DSCAM: variants seen among roughly 807,000 people sequenced by gnomAD.
DSCAM encodes DS cell adhesion molecule.
A neutral mutation model predicts 217.7 loss-of-function variants in DSCAM; 47 were observed. That is an observed-to-expected ratio of 0.22 (90% CI 0.17 to 0.28). The LOEUF (loss-of-function observed/expected upper bound fraction) is 0.28. Ranked by LOEUF, DSCAM falls within the 10% of genes least tolerant of loss-of-function variation. DSCAM has a pLI of 1.00. For missense variants in DSCAM, 2,080 were observed against 2,618.3 expected, an observed-to-expected ratio of 0.79 and a Z score of 4.49; for synonymous variants, 1,056 against 1,015.3, an observed-to-expected ratio of 1.04 and a Z score of -0.76.
intron 11 of DSCAM, among the ~76,000 whole-genome samples, chr21:40,269,192 C>G (rs571678040): frequency 6.6e-6 from 1 of 152,298 alleles, no homozygotes; most frequent in African/African-American, 2.4e-5. Flanking sequence ...ACAGCAAAGG[C>G]AATAAAGTCC....
chr21:40,600,780 C>T (rs1446410276), intron 3 of DSCAM, among the ~76,000 whole-genome samples: 1 of 152,098 alleles, frequency 6.6e-6, no homozygotes, highest in Non-Finnish European at 1.5e-5. Context: ...GGTGTTCCAG[C>T]ATTATTTGTT....
chr21:40,114,921 T>C (rs537092246), intron 20 of DSCAM, among the ~76,000 whole-genome samples: 154 of 152,044 alleles, frequency 1.0e-3, no homozygotes, highest in African/African-American at 2.9e-3. Context: ...ACAACAGGTG[T>C]TGGAGAGGAT....
In DSCAM at chr21:40,369,209, T is replaced by C. The variant is rs752344879; in HGVS notation, c.545A>G (p.Tyr182Cys). 20 of 1,611,502 alleles carry C rather than the reference T, an allele frequency of 1.2e-5. No homozygotes were observed. The highest frequency in any genetic ancestry group is 1.6e-5 in the Non-Finnish European group (19 of 1,178,974). ...RFLITSTGAL[Y>C]IKDVQNEDGL... ...ATCTTCATTCTGTACATCTTTAATATACAAGGCTCCCGTGGATGTGATGAG... is the reference window on the plus strand; with the variant it reads ...ATCTTCATTCTGTACATCTTTAATACACAAGGCTCCCGTGGATGTGATGAG... The change falls in exon 4 of 33, where the codon TAT becomes TGT. Residue 182 changes from tyrosine to cysteine, a missense_variant. Tyr to Cys is a radical substitution (Grantham distance 194). Coordinates refer to ENST00000400454, the MANE Select transcript of DSCAM (RefSeq NM_001389.5).
At chr21:40,570,957 G>C (rs1299241742) in intron 3 of DSCAM, among the ~76,000 whole-genome samples, 3 of 152,058 alleles carry the variant, frequency 2.0e-5, no homozygotes, top group Non-Finnish European at 4.4e-5. Flanking sequence ...TATTTTAAGA[G>C]ACAATAGCCA....
chr21:40,092,114 A>G (rs2089618432), intron 21 of DSCAM, among the ~76,000 whole-genome samples: 1 of 152,204 alleles, frequency 6.6e-6, no homozygotes, highest in African/African-American at 2.4e-5. Flanking sequence ...CCTTTATTCT[A>G]GACAATAGGA....
intron 3 of DSCAM, among the ~76,000 whole-genome samples, chr21:40,582,078 T>G (rs1487104468): frequency 6.6e-6 from 1 of 152,208 alleles, no homozygotes; most frequent in African/African-American, 2.4e-5. Context: ...TTTAGGATTA[T>G]GGTCCTAAAG....
At chr21:40,571,791 T>C (rs2076808709) in intron 3 of DSCAM, among the ~76,000 whole-genome samples, 1 of 152,192 alleles carries the variant, frequency 6.6e-6, no homozygotes, top group Admixed American at 6.5e-5. Context: ...GGTTTTGCCA[T>C]GTTGGCCAGG....
At chr21:40,175,028 T>C (rs2837480) in intron 15 of DSCAM, among the ~76,000 whole-genome samples, 49,937 of 152,104 alleles carry the variant, frequency 0.33, 8,303 homozygotes, top group Non-Finnish European at 0.34. Flanking sequence ...CTTTTCTGCA[T>C]GAAGTCCTTG....
At chr21:40,387,261 CAT>C (rs1416567781) in intron 3 of DSCAM, among the ~76,000 whole-genome samples, 1 of 151,740 alleles carries the variant, frequency 6.6e-6, no homozygotes, top group African/African-American at 2.4e-5. Flanking sequence ...GGGGAAAAAA[CAT>C]AGTTTTAACA....
At chr21:40,700,266 T>A (rs748117685) in intron 2 of DSCAM, among the ~76,000 whole-genome samples, 1 of 152,238 alleles carries the variant, frequency 6.6e-6, no homozygotes, top group Admixed American at 6.5e-5. Flanking sequence ...CACTTTGATA[T>A]TGTTCTTCAT....
intron 1 of DSCAM, among the ~76,000 whole-genome samples, chr21:40,835,511 C>T (rs904595025): frequency 1.3e-5 from 2 of 152,114 alleles, no homozygotes; most frequent in African/African-American, 4.8e-5. Flanking sequence ...AAGCAGAATT[C>T]ACATTTATTC....
intron 11 of DSCAM, among the ~76,000 whole-genome samples, chr21:40,221,164 T>A (rs1056981811): frequency 6.6e-6 from 1 of 151,688 alleles, no homozygotes; most frequent in Non-Finnish European, 1.5e-5. Flanking sequence ...TGAAAAAGAG[T>A]TGAGAGCCTC....
At chr21:40,827,653 G>C (rs1020220742) in intron 1 of DSCAM, among the ~76,000 whole-genome samples, 24 of 152,100 alleles carry the variant, frequency 1.6e-4, no homozygotes, top group Non-Finnish European at 2.9e-4. Context: ...AGCGCTAATC[G>C]AAGTGTGTAC....
chr21:40,382,989 C>G (rs1280757854), intron 3 of DSCAM: 1 of 152,194 alleles, frequency 6.6e-6, no homozygotes, highest in Non-Finnish European at 1.5e-5. Context: ...CAGAGGCAAA[C>G]AGTGTCAGTT....
intron 8 of DSCAM, among the ~76,000 whole-genome samples, chr21:40,315,908 AG>A (rs902146916): frequency 1.8e-4 from 28 of 152,142 alleles, no homozygotes; most frequent in African/African-American, 6.5e-4. Context: ...CAAAAGGAGG[AG>A]GGTGAGAAAC....
intron 3 of DSCAM, among the ~76,000 whole-genome samples, chr21:40,430,505 A>G (rs1388061873): frequency 6.6e-6 from 1 of 152,214 alleles, no homozygotes; most frequent in Non-Finnish European, 1.5e-5. Context: ...CTCGAACATT[A>G]GACTCCAAGC....
intron 4 of DSCAM, among the ~76,000 whole-genome samples, chr21:40,368,572 AAATTATT>A (rs2123696739): frequency 6.6e-6 from 1 of 152,358 alleles, no homozygotes; most frequent in African/African-American, 2.4e-5. Context: ...GTGATGTTTT[AAATTATT>A]CCAATGTTCA....
chr21:40,593,675 A>C (rs2077000368), intron 3 of DSCAM, among the ~76,000 whole-genome samples: 1 of 152,164 alleles, frequency 6.6e-6, no homozygotes, highest in African/African-American at 2.4e-5. Context: ...AAACTATTTA[A>C]AATTATCTGA....
chr21:40,112,070 T>G lies in DSCAM; in HGVS notation c.3696+12125A>C, dbSNP rs190266189. Among the ~76,000 whole-genome samples the G allele has an allele frequency of 1.3e-4, 20 of 150,934 alleles. 1 individual carries two copies. In the East Asian group the frequency reaches 3.9e-3, roughly 29 times the overall value. ...TCAGCTCTGCACCAAGCGGACCTAA[T>G]AGACATCTACAGAACTCTCCACCCC... On this transcript the variant is annotated intron_variant, in intron 20 of 32. Coordinates refer to ENST00000400454, the MANE Select transcript of DSCAM (RefSeq NM_001389.5).
Sources: allele counts gnomAD v4.1 joint callset (sites outside exome capture counted in the v4.1 genomes callset), GRCh38; gene constraint gnomAD v4.1.1; transcripts MANE v1.5; gene names NCBI Gene and HGNC (gene_info 2026-07-23, HGNC 2026-07-21).